The following DCAF5 variants were observed in gnomAD, a reference collection of about 807,000 sequenced individuals.
DCAF5 encodes the protein DDB1 and CUL4 associated factor 5.
In DCAF5, 9 loss-of-function variants were observed where a neutral mutation model predicts 80.7. The ratio of observed to expected loss-of-function variants is 0.11; its 90% confidence interval spans 0.07 to 0.19. The LOEUF (loss-of-function observed/expected upper bound fraction) is 0.19. Ranked by LOEUF, DCAF5 falls within the 10% of genes least tolerant of loss-of-function variation. The pLI, the probability that DCAF5 is intolerant of heterozygous loss-of-function variation, is 1.00. For synonymous variants in DCAF5, 433 were observed against 461.9 expected (o/e 0.94, Z 0.80); for missense variants, 842 against 1,205.7 (o/e 0.70, Z 4.47).
chr14:69,097,057 G>T (rs1355223064), intron 5 of DCAF5, among the ~76,000 whole-genome samples: 1 of 152,080 alleles, frequency 6.6e-6, no homozygotes, highest in African/African-American at 2.4e-5. Flanking sequence ...AAGTTGGGGT[G>T]GATGCACTGA....
chr14:69,070,185 C>T lies in DCAF5; in HGVS notation c.946+5160G>A, dbSNP rs540591405. On this transcript the variant is annotated intron_variant, in intron 7 of 8. Transcript: ENST00000341516. ...GTAAGAGGTAGCTCTGGAAAAGCAACTCAACCTGTGAAAACCCTAAAGCCC... is the reference window on the plus strand; with the variant it reads ...GTAAGAGGTAGCTCTGGAAAAGCAATTCAACCTGTGAAAACCCTAAAGCCC... Among the ~76,000 whole-genome samples the T allele has an allele frequency of 5.9e-5, 9 of 152,268 alleles. 1 individual carries two copies. The highest frequency in any genetic ancestry group is 2.2e-4 in the African/African-American group (9 of 41,554).
At chr14:69,070,790 C>A (rs1164333397) in intron 7 of DCAF5, among the ~76,000 whole-genome samples, 2 of 144,364 alleles carry the variant, frequency 1.4e-5, no homozygotes, top group African/African-American at 2.5e-5. Flanking sequence ...TTTTATTTTT[C>A]TTTTTTTTTT....
chr14:69,129,467 T>G (rs921800659), intron 1 of DCAF5, among the ~76,000 whole-genome samples: 6 of 152,176 alleles, frequency 3.9e-5, no homozygotes, highest in African/African-American at 1.2e-4. Context: ...TAAACAGCTG[T>G]GCCCAAGCCT....
intron 7 of DCAF5, among the ~76,000 whole-genome samples, chr14:69,074,035 C>T (rs978905283): frequency 2.0e-5 from 3 of 152,112 alleles, no homozygotes; most frequent in Admixed American, 1.3e-4. Context: ...GAGGAAAAGC[C>T]CTTTTGTAAC....
chr14:69,105,963 T>C (rs2040143990), intron 5 of DCAF5, among the ~76,000 whole-genome samples: 1 of 82,406 alleles, frequency 1.2e-5, no homozygotes, highest in Non-Finnish European at 3.0e-5. Flanking sequence ...TTGGTTCTGT[T>C]CCTCTGGAGA....
At chr14:69,144,793 C>T (rs1173277649) in intron 1 of DCAF5, among the ~76,000 whole-genome samples, 2 of 152,056 alleles carry the variant, frequency 1.3e-5, no homozygotes, top group East Asian at 3.9e-4. Context: ...TGTGACCTGC[C>T]TACAAAGGGA....
chr14:69,067,698 G>A (rs543233502), intron 7 of DCAF5, among the ~76,000 whole-genome samples: 4 of 150,828 alleles, frequency 2.7e-5, no homozygotes, highest in Admixed American at 6.6e-5. Context: ...GTGCAGTGGC[G>A]TGATCTCGGC....
At chr14:69,138,030 G>A (rs2041248748) in intron 1 of DCAF5, among the ~76,000 whole-genome samples, 1 of 151,948 alleles carries the variant, frequency 6.6e-6, no homozygotes, top group Non-Finnish European at 1.5e-5. Flanking sequence ...GGGGACTACT[G>A]TATGTCTAAG....
intron 5 of DCAF5, among the ~76,000 whole-genome samples, chr14:69,109,003 T>G (rs1300087913): frequency 1.3e-5 from 2 of 152,160 alleles, no homozygotes; most frequent in Non-Finnish European, 2.9e-5. Context: ...AATACCCACT[T>G]GAAGACAACA....
chr14:69,092,068 T>G (rs1299246521), intron 5 of DCAF5, among the ~76,000 whole-genome samples, 181 bp from the exon 6 acceptor site: 1 of 152,234 alleles, frequency 6.6e-6, no homozygotes, highest in Non-Finnish European at 1.5e-5. Flanking sequence ...TAAAACAAGT[T>G]ACTTCAATTG....
chr14:69,119,036 T>A lies in DCAF5; in HGVS notation c.395+158A>T, dbSNP rs2040623697. ...TTTTCCTTTTTAAATCAAAACTTTATTTATTTCAAACTATTGTAGGAATTT... is the reference window on the plus strand; with the variant it reads ...TTTTCCTTTTTAAATCAAAACTTTAATTATTTCAAACTATTGTAGGAATTT... On this transcript the variant is annotated intron_variant, in intron 3 of 8. Transcript: ENST00000341516. 3 of 660,754 alleles carry A rather than the reference T, an allele frequency of 4.5e-6. No homozygotes were observed. In the Admixed American group the frequency reaches 1.1e-4, roughly 23 times the overall value. The allele number at this position is 660,754 out of a possible 1,614,324, so 40.9% of individuals were successfully genotyped here.
intron 1 of DCAF5, among the ~76,000 whole-genome samples, chr14:69,140,909 G>A (rs2041349974): frequency 6.6e-6 from 1 of 151,956 alleles, no homozygotes; most frequent in African/African-American, 2.4e-5. Context: ...CCCCGCCTAG[G>A]GACTGAACTC....
chr14:69,109,070 G>T (rs1283623302), intron 5 of DCAF5, among the ~76,000 whole-genome samples: 1 of 152,002 alleles, frequency 6.6e-6, no homozygotes, highest in Non-Finnish European at 1.5e-5. Context: ...GGCCAGGCGC[G>T]GTGGCTCACA....
intron 6 of DCAF5, chr14:69,084,100 T>G: frequency 1.2e-6 from 1 of 803,100 alleles, no homozygotes; most frequent in Non-Finnish European, 2.3e-6. Flanking sequence ...CTGAACTCAT[T>G]GTTAAGTTAA....
chr14:69,090,296 C>T (rs1190146638), intron 6 of DCAF5: 1 of 191,002 alleles, frequency 5.2e-6, no homozygotes, highest in Non-Finnish European at 9.6e-6. Flanking sequence ...ACTGTTTCTT[C>T]CCACCCAAGA....
intron 5 of DCAF5, among the ~76,000 whole-genome samples, chr14:69,093,598 G>A (rs2039602107): frequency 1.3e-5 from 2 of 152,130 alleles, no homozygotes; most frequent in African/African-American, 4.8e-5. Flanking sequence ...GGGAAGGGAA[G>A]CCCTGAAACC....
At chr14:69,083,213 TTTA>T (rs1261036710) in intron 6 of DCAF5, among the ~76,000 whole-genome samples, 1 of 152,232 alleles carries the variant, frequency 6.6e-6, no homozygotes, top group Non-Finnish European at 1.5e-5. Flanking sequence ...CCATAAACAC[TTTA>T]TTATTATATG....
At chr14:69,121,341 A>T (rs2040712870) in intron 2 of DCAF5, among the ~76,000 whole-genome samples, 1 of 152,204 alleles carries the variant, frequency 6.6e-6, no homozygotes, top group East Asian at 1.9e-4. Flanking sequence ...TGAGTATGAG[A>T]GGCTTTCAAG....
At chr14:69,131,014 T>C (rs2041023586) in intron 1 of DCAF5, among the ~76,000 whole-genome samples, 1 of 152,222 alleles carries the variant, frequency 6.6e-6, no homozygotes, top group Non-Finnish European at 1.5e-5. Context: ...GTGTGATATA[T>C]ATTAGGTGCA....
Sources: allele counts gnomAD v4.1 joint callset (sites outside exome capture counted in the v4.1 genomes callset), GRCh38; gene constraint gnomAD v4.1.1; transcripts MANE v1.5; gene names NCBI Gene and HGNC (gene_info 2026-07-23, HGNC 2026-07-21).